Variants in STK33 observed in about 807,000 individuals in gnomAD.
STK33 encodes serine/threonine-protein kinase 33.
In STK33, 52 loss-of-function variants were observed where a neutral mutation model predicts 58.0. That is an observed-to-expected ratio of 0.90 (90% CI 0.72 to 1.13). The LOEUF is 1.13. STK33 is among the 50% of genes most tolerant of loss of function. The probability of loss-of-function intolerance (pLI) is 0.00; values close to 1 mark genes in which losing one functional copy is unlikely to be tolerated. For missense variants in STK33, 630 were observed against 604.2 expected (o/e 1.04, Z -0.45); for synonymous variants, 215 against 200.1 (o/e 1.07, Z -0.63).
intron 1 of STK33, among the ~76,000 whole-genome samples, chr11:8,534,562 CTCTCTCTGTGTGTG>C (rs954340992): frequency 1.6e-4 from 21 of 129,032 alleles, no homozygotes; most frequent in Admixed American, 3.1e-4. Context: ...CTCTCTCTCT[CTCTCTCTGTGTGTG>C]TGTGTGTGTG....
chr11:8,489,831 A>G (rs1950469403), intron 1 of STK33, among the ~76,000 whole-genome samples: 1 of 152,232 alleles, frequency 6.6e-6, no homozygotes, highest in Non-Finnish European at 1.5e-5. Flanking sequence ...ACTTCACTAC[A>G]GCGGCTCAAC....
At chr11:8,345,843 C>A in the STK33 span, among the ~76,000 whole-genome samples, 1 of 152,194 alleles carries the variant, frequency 6.6e-6, no homozygotes, top group Non-Finnish European at 1.5e-5. Flanking sequence ...ATGGTAGAGA[C>A]CGCTCTTAAG....
intron 1 of STK33, among the ~76,000 whole-genome samples, chr11:8,533,039 G>C (rs1021624209): frequency 1.4e-4 from 22 of 152,214 alleles, no homozygotes; most frequent in African/African-American, 5.3e-4. Flanking sequence ...AGACTTCTGA[G>C]ATTGATGTCT....
chr11:8,396,173 G>C lies in STK33; in HGVS notation c.1345-3463C>G, dbSNP rs60565857. Among the ~76,000 whole-genome samples the C allele has an allele frequency of 7.0e-3, 1,058 of 152,150 alleles. 19 individuals carry two copies. The highest frequency in any genetic ancestry group is 0.023 in the African/African-American group (974 of 41,486). On this transcript the variant is annotated intron_variant, in intron 15 of 15. Transcript: ENST00000687296. ...AGCTGGACTGCAATGACACAATCTAGGCTCACTGCAACCTCCGCCTCCCGG... is the reference window on the plus strand; with the variant it reads ...AGCTGGACTGCAATGACACAATCTACGCTCACTGCAACCTCCGCCTCCCGG...
chr11:8,534,532 T>TTCTC lies in STK33; in HGVS notation c.-465-53922_-465-53919dup, dbSNP rs61429377. Among the ~76,000 whole-genome samples the TTCTC allele has an allele frequency of 4.7e-4, 57 of 122,518 alleles. 1 individual carries two copies. The South Asian group carries it at 0.014, about 31-fold the overall frequency. 80.4% of individuals were successfully genotyped at this position (122,518 alleles called of 152,430 possible). A position where few individuals can be genotyped will look rare whatever the true frequency, so the allele number is the denominator to read the frequency against. On this transcript the variant is annotated intron_variant, in intron 1 of 15. Transcript: ENST00000687296. ...AACTTGTTCCAGCAAGTATATATAT[T>TTCTC]TCTCTCTCTCTCTCTCTCTCTCTCT...
chr11:8,534,461 G>A (rs1954803031), intron 1 of STK33, among the ~76,000 whole-genome samples: 1 of 151,346 alleles, frequency 6.6e-6, no homozygotes, highest in Non-Finnish European at 1.5e-5. Flanking sequence ...AAATAGAATA[G>A]AAAGTATAAG....
intron 1 of STK33, among the ~76,000 whole-genome samples, chr11:8,510,911 C>T (rs7117945): frequency 0.55 from 83,575 of 151,708 alleles, 23,351 homozygotes; most frequent in African/African-American, 0.65. Flanking sequence ...TATAGCCTTG[C>T]AGTATATAAT....
chr11:8,536,669 ATTG>A (rs1335532921), intron 1 of STK33, among the ~76,000 whole-genome samples: 2 of 152,086 alleles, frequency 1.3e-5, no homozygotes, highest in Non-Finnish European at 2.9e-5. Context: ...TTTTTATTCA[ATTG>A]TTGTATTTTT....
At chr11:8,571,882 T>TA (rs371424219) in intron 1 of STK33, among the ~76,000 whole-genome samples, 1 of 50,886 alleles carries the variant, frequency 2.0e-5, no homozygotes, top group Non-Finnish European at 4.0e-5. Flanking sequence ...TTTACCACAA[T>TA]AAAAAAAAAA....
the STK33 span, among the ~76,000 whole-genome samples, chr11:8,350,747 G>A: frequency 6.6e-6 from 1 of 152,176 alleles, no homozygotes; most frequent in African/African-American, 2.4e-5. Flanking sequence ...AGTGGCAGGT[G>A]TGGGCTGGTA....
chr11:8,481,615 T>C lies in STK33; in HGVS notation c.-465-1001A>G, dbSNP rs570047537. On this transcript the variant is annotated intron_variant, in intron 1 of 15. Coordinates refer to ENST00000687296, the MANE Select transcript of STK33 (RefSeq NM_001352389.2). ...AAACTGCACCTCCACCATAATGCAG[T>C]CCTCACTCCATCTTGTAGCTTTCCT... Among the ~76,000 whole-genome samples the C allele has an allele frequency of 6.6e-5, 10 of 152,232 alleles. No individual in the cohort carries two copies. The East Asian group carries it at 1.7e-3, about 26-fold the overall frequency.
intron 14 of STK33, among the ~76,000 whole-genome samples, chr11:8,424,675 G>A (rs1384764077): frequency 1.1e-4 from 17 of 147,914 alleles, no homozygotes; most frequent in Non-Finnish European, 2.1e-4. Context: ...TTTAATGATC[G>A]CCATTCTAAC....
At chr11:8,555,148 A>G (rs1401577052) in intron 1 of STK33, 1 of 148,760 alleles carries the variant, frequency 6.7e-6, no homozygotes, top group Non-Finnish European at 1.5e-5. Flanking sequence ...TGGGCATTTG[A>G]AAAAAAAAAG....
intron 15 of STK33, among the ~76,000 whole-genome samples, chr11:8,405,057 A>T (rs927872901): frequency 6.6e-6 from 1 of 152,068 alleles, no homozygotes; most frequent in Admixed American, 6.5e-5. Flanking sequence ...AATTGCTTGA[A>T]CCCAGGAAGC....
chr11:8,361,181 G>C, the STK33 span, among the ~76,000 whole-genome samples: 1 of 152,148 alleles, frequency 6.6e-6, no homozygotes, highest in Admixed American at 6.5e-5. This position sits in a 1 kb window ranked among gnomAD's most constrained non-coding sequence, Gnocchi z 4.8. Flanking sequence ...CTATCCACCA[G>C]CTATCCCTGC....
chr11:8,390,420 G>A (rs940055399), downstream of STK33, among the ~76,000 whole-genome samples: 7 of 152,138 alleles, frequency 4.6e-5, no homozygotes, highest in African/African-American at 1.7e-4. Context: ...ATGGAAGAGC[G>A]CCCTTTTTTC....
At chr11:8,553,849 T>C (rs972615541) in intron 1 of STK33, among the ~76,000 whole-genome samples, 6 of 152,094 alleles carry the variant, frequency 3.9e-5, no homozygotes, top group Non-Finnish European at 8.8e-5. Flanking sequence ...ACTATAAAGC[T>C]ACTAGAAGAA....
At chr11:8,585,371 C>A (rs1423880516) in intron 1 of STK33, among the ~76,000 whole-genome samples, 1 of 150,166 alleles carries the variant, frequency 6.7e-6, no homozygotes, top group Non-Finnish European at 1.5e-5. Flanking sequence ...ACTACAGGCG[C>A]CCACTACTAC....
chr11:8,388,026 G>A (rs1209510806), downstream of STK33, among the ~76,000 whole-genome samples: 2 of 152,204 alleles, frequency 1.3e-5, no homozygotes, highest in Non-Finnish European at 2.9e-5. Flanking sequence ...CTAGTTCGGA[G>A]AGGAACCAGC....
Sources: gnomAD v4.1 joint callset for allele counts (sites outside exome capture counted in the v4.1 genomes callset) on GRCh38, gnomAD v4.1.1 for gene constraint, Gnocchi (gnomAD v3.1) non-coding constraint, MANE v1.5 for transcripts, NCBI Gene and HGNC (gene_info 2026-07-23, HGNC 2026-07-21) for gene names.